ARHGAP23: variants seen among roughly 807,000 people sequenced by gnomAD.
The protein encoded by ARHGAP23 is Rho GTPase activating protein 23.
A neutral mutation model predicts 136.3 loss-of-function variants in ARHGAP23; 34 were observed. That is an observed-to-expected ratio of 0.25 (90% CI 0.19 to 0.33). ARHGAP23 has a LOEUF of 0.33. ARHGAP23 is among the 10% of genes least tolerant of loss of function. ARHGAP23 has a pLI of 1.00. For synonymous variants in ARHGAP23, 832 were observed against 920.5 expected (o/e 0.90, Z 1.74); for missense variants, 1,808 against 2,139.0 (o/e 0.85, Z 3.05).
At chr17:38,480,892 G>A (rs1044106986) in intron 14 of ARHGAP23, among the ~76,000 whole-genome samples, 13 of 151,922 alleles carry the variant, frequency 8.6e-5, no homozygotes, top group Non-Finnish European at 1.3e-4. Flanking sequence ...CATCATTTTG[G>A]GAGGCTGAGG....
chr17:38,510,614 G>C lies in ARHGAP23; in HGVS notation c.4118G>C (p.Arg1373Pro). The C allele has an allele frequency of 3.0e-6, 4 of 1,340,862 alleles. No individual in the cohort carries two copies. The highest frequency in any genetic ancestry group is 3.8e-6 in the Non-Finnish European group (4 of 1,054,282). 83.1% of individuals were successfully genotyped at this position (1,340,862 alleles called of 1,614,324 possible). A position where few individuals can be genotyped will look rare whatever the true frequency, so the allele number is the denominator to read the frequency against. The change falls in exon 24 of 24, where the codon CGT becomes CCT. Residue 1373 changes from arginine (R) to proline (P), a missense_variant. Arg to Pro is a moderately radical substitution (Grantham distance 103). Transcript: ENST00000622683. This position sits in a 1 kb window ranked among gnomAD's most constrained non-coding sequence, Gnocchi z 4.6. ...ASRPSRMEAL[R>P]LRLRGTADDM... ...CGGCCCTCGCGCATGGAGGCGCTGCGTCTAAGGCTCCGCGGCACGGCGGAC... is the reference window on the plus strand; with the variant it reads ...CGGCCCTCGCGCATGGAGGCGCTGCCTCTAAGGCTCCGCGGCACGGCGGAC...
chr17:38,445,779 T>TG lies in ARHGAP23; in HGVS notation c.64-12322dup, dbSNP rs531091435. On this transcript the variant is annotated intron_variant, in intron 1 of 23. Coordinates refer to ENST00000622683, the MANE Select transcript of ARHGAP23 (RefSeq NM_001199417.2). ...CTTCCTGAGGAGCTGGGATTATAGG[T>TG]GCATGCTACCACGCTCTGCTATTTT... 1.8e-4 allele frequency among the ~76,000 whole-genome samples: 28 copies of TG among 151,792 alleles called. No homozygotes were observed. In the East Asian group the frequency reaches 5.3e-3, roughly 29 times the overall value.
chr17:38,457,699 T>G, intron 1 of ARHGAP23: 2 of 262,450 alleles, frequency 7.6e-6, no homozygotes, highest in Non-Finnish European at 1.5e-5. Flanking sequence ...TATGTGTGCA[T>G]GTGTGTGTGT....
At chr17:38,476,736 C>T (rs772069657) in intron 11 of ARHGAP23, among the ~76,000 whole-genome samples, 3 of 152,218 alleles carry the variant, frequency 2.0e-5, no homozygotes, top group Non-Finnish European at 2.9e-5. Context: ...TTACCCTCAG[C>T]TCTGCTGACA....
At position 38,510,281 on chromosome 17, in the gene ARHGAP23, C is replaced by T. The variant is rs1473279932; in HGVS notation, c.3785C>T (p.Ser1262Leu). 23 of 1,286,974 alleles carry T rather than the reference C, an allele frequency of 1.8e-5. No homozygotes were observed. Among genetic ancestry groups the T allele is most frequent in the Non-Finnish European group, 2.2e-5 (22 of 1,017,432 alleles). 79.7% of individuals were successfully genotyped at this position (1,286,974 alleles called of 1,614,324 possible). ...TLSTMDRSVC[S>L]GASGRRAGAG... ...TCCACCATGGACCGCAGCGTGTGCT[C>T]GGGCGCTAGCGGTCGGCGGGCAGGG... Residue 1262 changes from serine to leucine, a missense_variant, in exon 24 of 24, where the codon TCG becomes TTG. By Grantham distance (145) the Ser-to-Leu change is moderately radical (BLOSUM62 -2). Around this residue, in one of 7 missense-constraint regions of ARHGAP23, gnomAD observed 506 missense variants for 455.8 expected, o/e 1.11. Transcript: ENST00000622683. The surrounding 1 kb of genome is among the most constrained non-coding windows in gnomAD (Gnocchi z 4.6).
intron 1 of ARHGAP23, among the ~76,000 whole-genome samples, chr17:38,429,652 C>G (rs1312419853): frequency 2.6e-5 from 4 of 152,078 alleles, no homozygotes; most frequent in Non-Finnish European, 5.9e-5. Flanking sequence ...CATCTCTCCC[C>G]GACTCCCTTC....
At chr17:38,427,915 T>TA, upstream of ARHGAP23, among the ~76,000 whole-genome samples, 1 of 152,176 alleles carries the variant, frequency 6.6e-6, no homozygotes, top group East Asian at 1.9e-4. Flanking sequence ...AGGGGGCCTC[T>TA]AAGCCTTTTT....
intron 1 of ARHGAP23, among the ~76,000 whole-genome samples, chr17:38,433,205 C>G (rs2038722308): frequency 6.6e-6 from 1 of 152,154 alleles, no homozygotes; most frequent in South Asian, 2.1e-4. Flanking sequence ...AAGTGATCCT[C>G]CCACTTTGGC....
At chr17:38,482,710 G>A in intron 16 of ARHGAP23, 32 bp downstream of exon 16, 1 of 1,529,540 alleles carries the variant, frequency 6.5e-7, no homozygotes, top group Non-Finnish European at 8.8e-7. Context: ...GTGGAAGAGG[G>A]GCTGAGATGG....
chr17:38,464,016 GCCCC>G (rs1202257060), intron 6 of ARHGAP23, among the ~76,000 whole-genome samples: 2 of 152,106 alleles, frequency 1.3e-5, no homozygotes, highest in East Asian at 3.9e-4. Context: ...ACACTCACCA[GCCCC>G]TTGGCTCCCT....
chr17:38,435,577 G>A (rs1159813390), intron 1 of ARHGAP23, among the ~76,000 whole-genome samples: 2 of 152,172 alleles, frequency 1.3e-5, no homozygotes, highest in Non-Finnish European at 2.9e-5. Flanking sequence ...TTGGCCTCAC[G>A]GCAGTCTCTG....
intron 16 of ARHGAP23, among the ~76,000 whole-genome samples, chr17:38,483,444 G>C (rs1288331978): frequency 6.6e-6 from 1 of 152,252 alleles, no homozygotes; most frequent in Non-Finnish European, 1.5e-5. Context: ...GGGTTCCCCA[G>C]AGGGGCCTTG....
In ARHGAP23 at chr17:38,460,921, G is replaced by T; in HGVS notation, c.242G>T (p.Gly81Val). 1 of 1,536,030 alleles carries T rather than the reference G, an allele frequency of 6.5e-7. No individual in the cohort carries two copies. Among genetic ancestry groups the T allele is most frequent in the Non-Finnish European group, 8.7e-7 (1 of 1,146,854 alleles). ...HCSLKEEENG[G>V]RGGGPSPRYR... ...TCCCTGCAGGAGGAAGAGAATGGAG[G>T]CCGTGGAGGAGGTAAGGGAGGACTG... is the stretch of plus-strand genomic sequence containing the variant. Residue 81 changes from glycine (G) to valine (V), a missense_variant, in exon 3 of 24, where the codon GGC becomes GTC. By Grantham distance (109) the Gly-to-Val change is moderately radical. Around this residue, in one of 7 missense-constraint regions of ARHGAP23, gnomAD observed 859 missense variants for 936.4 expected, o/e 0.92. Coordinates refer to ENST00000622683, the MANE Select transcript of ARHGAP23 (RefSeq NM_001199417.2).
rs2040740707 is a variant in ARHGAP23 at position 38,510,638 on chromosome 17, A to AG, written c.4142_4143insG (p.Asp1381GlufsTer36). 7.4e-7 allele frequency: 1 copy of AG among 1,358,954 alleles called. No individual in the cohort carries two copies. Among genetic ancestry groups the AG allele is most frequent in the Admixed American group, 4.1e-5 (1 of 24,320 alleles). 84.2% of individuals were successfully genotyped at this position (1,358,954 alleles called of 1,614,324 possible). ...CGTCTAAGGCTCCGCGGCACGGCGG[A>AG]CGACATGCTCGCCGTGCGCCTGCGG... is the stretch of plus-strand genomic sequence containing the variant. On this transcript the variant is annotated frameshift_variant, in exon 24 of 24. Transcript: ENST00000622683. LOFTEE classifies it high-confidence loss of function. This position sits in a 1 kb window ranked among gnomAD's most constrained non-coding sequence, Gnocchi z 4.6.
At chr17:38,445,745 C>T (rs562255531) in intron 1 of ARHGAP23, among the ~76,000 whole-genome samples, 3 of 151,996 alleles carry the variant, frequency 2.0e-5, no homozygotes, top group African/African-American at 7.2e-5. Context: ...AGGGATCCTC[C>T]CATCTCAGCT....
chr17:38,423,902 C>G (rs903717295), upstream of ARHGAP23, among the ~76,000 whole-genome samples: 1 of 152,098 alleles, frequency 6.6e-6, no homozygotes, highest in Admixed American at 6.5e-5. Context: ...GTGCCCGTGC[C>G]CCATAACCCA....
At chr17:38,459,552 T>TC in intron 2 of ARHGAP23, among the ~76,000 whole-genome samples, 1 of 152,154 alleles carries the variant, frequency 6.6e-6, no homozygotes, top group African/African-American at 2.4e-5. Flanking sequence ...CTTCACTCTT[T>TC]CCCCAGAATG....
At chr17:38,491,610 C>T (rs778201972) in intron 20 of ARHGAP23, 78 bp downstream of exon 20, 502 of 1,532,746 alleles carry the variant, frequency 3.3e-4, no homozygotes, top group Middle Eastern at 9.3e-4. Flanking sequence ...GCTCTTGCTC[C>T]GCCTGGCGGA....
chr17:38,434,366 G>A (rs996724446), intron 1 of ARHGAP23, among the ~76,000 whole-genome samples: 5 of 152,364 alleles, frequency 3.3e-5, no homozygotes, highest in South Asian at 2.1e-4. Context: ...GTCCCCAACC[G>A]CTGGGAATCT....
Sources: allele counts gnomAD v4.1 joint callset (sites outside exome capture counted in the v4.1 genomes callset), GRCh38; gene constraint gnomAD v4.1.1; regional missense constraint gnomAD v4.1.1; non-coding constraint Gnocchi (gnomAD v3.1); transcripts MANE v1.5; gene names NCBI Gene and HGNC (gene_info 2026-07-23, HGNC 2026-07-21).